Variants in LYST observed in about 807,000 individuals in gnomAD.
LYST encodes the protein lysosomal-trafficking regulator.
LYST carries 192 observed loss-of-function variants against 413.6 expected under a neutral mutation model. The observed-to-expected ratio is 0.46, with a 90% CI of 0.41 to 0.52. The LOEUF is 0.52. LYST is among the 20% of genes least tolerant of loss of function. The pLI is 0.00. For synonymous variants in LYST, 1,525 were observed against 1,567.3 expected (o/e 0.97, Z 0.64); for missense variants, 3,815 against 4,499.9 (o/e 0.85, Z 4.35).
intron 3 of LYST, chr1:235,829,089 G>A (rs920926873): frequency 4.6e-5 from 7 of 152,062 alleles, no homozygotes; most frequent in African/African-American, 1.2e-4. Context: ...TTGTAGTCCC[G>A]GCTACTTAGG....
In LYST at chr1:235,755,617, T is replaced by C; in HGVS notation, c.7090A>G (p.Lys2364Glu). The C allele has an allele frequency of 1.2e-6, 2 of 1,612,948 alleles. No homozygotes were observed. The highest frequency in any genetic ancestry group is 1.7e-6 in the Non-Finnish European group (2 of 1,179,076). ...TTCAGAAATTTATCTTTTTGTTCCTTAGATGCTCTAGCAAAATATGCATCT... is the reference window on the plus strand; with the variant it reads ...TTCAGAAATTTATCTTTTTGTTCCTCAGATGCTCTAGCAAAATATGCATCT... ...LLDAYFARAS[K>E]EQKDKFLKNR... is the part of the protein sequence containing the mutation. Residue 2364 changes from lysine (K) to glutamate (E), a missense_variant, in exon 25 of 53, where the codon AAG (lysine) becomes GAG (glutamate). Lys to Glu is a moderately conservative substitution (Grantham distance 56). This residue lies in a region of LYST where 771 missense variants were observed against 837.1 expected (regional missense o/e 0.92). Transcript: ENST00000389793.
Position 235,715,466 on chromosome 1 carries a change from A to C in LYST, c.9628-109T>G, listed in dbSNP as rs1435747924. On this transcript the variant is annotated intron_variant, in intron 41 of 52. Coordinates refer to ENST00000389793, the MANE Select transcript of LYST (RefSeq NM_000081.4). ...CCTTCTCTACTACCCCTTTGAGGCC[A>C]TTCTCCATGGCTGGCCCTCCCACTC... is the stretch of plus-strand genomic sequence containing the variant. 6.8e-6 allele frequency: 7 copies of C among 1,025,166 alleles called. No individual in the cohort carries two copies. The Admixed American group carries it at 1.4e-4, about 20-fold the overall frequency. The allele number at this position is 1,025,166 out of a possible 1,614,324, so 63.5% of individuals were successfully genotyped here.
Position 235,808,499 on chromosome 1 carries a change from C to G in LYST, c.2319G>C (p.Val773=). 3 of 1,613,600 alleles carry G rather than the reference C, an allele frequency of 1.9e-6. No individual in the cohort carries two copies. Among genetic ancestry groups the G allele is most frequent in the Middle Eastern group, 3.3e-4 (2 of 6,056 alleles). ...GCAGAGTTTTTACATAAATCTGAAG[C>G]ACGTCCTGAGGCAAGCACTGGTTAT... is the stretch of plus-strand genomic sequence containing the variant. ...SHHNQCLPQD[V]LQIYVKTLPI... The change falls in exon 5 of 53, where the codon GTG becomes GTC. Residue 773 remains valine (V), a synonymous_variant. Coordinates refer to ENST00000389793, the MANE Select transcript of LYST (RefSeq NM_000081.4).
intron 1 of LYST, among the ~76,000 whole-genome samples, chr1:235,880,347 T>A (rs1464767658): frequency 6.6e-6 from 1 of 152,216 alleles, no homozygotes; most frequent in Non-Finnish European, 1.5e-5. Flanking sequence ...TCTGAAAACA[T>A]GCATGGTAAG....
intron 20 of LYST, among the ~76,000 whole-genome samples, chr1:235,769,446 T>C (rs752913280): frequency 6.6e-6 from 1 of 152,026 alleles, no homozygotes; most frequent in Non-Finnish European, 1.5e-5. Context: ...GAAAAGCCCT[T>C]AGTGCCACCG....
At chr1:235,814,125 C>A (rs1328338763) in intron 3 of LYST, among the ~76,000 whole-genome samples, 1 of 152,148 alleles carries the variant, frequency 6.6e-6, no homozygotes, top group East Asian at 1.9e-4. Flanking sequence ...AAAGGACCCA[C>A]AGGTTACTGG....
intron 3 of LYST, among the ~76,000 whole-genome samples, chr1:235,814,016 A>G (rs918053908): frequency 2.6e-5 from 4 of 152,320 alleles, no homozygotes; most frequent in East Asian, 1.9e-4. Flanking sequence ...CTCCAACAAC[A>G]GAAGGGAAAA....
chr1:235,754,243 T>C (rs1666782405), intron 25 of LYST, among the ~76,000 whole-genome samples: 1 of 146,214 alleles, frequency 6.8e-6, no homozygotes, highest in African/African-American at 2.5e-5. Context: ...TTTTTTTTTT[T>C]TTTTTTGAGA....
chr1:235,833,671 CAA>C lies in LYST; in HGVS notation c.-97-6_-97-5del. On this transcript the variant is annotated splice_region_variant and splice_polypyrimidine_tract_variant and intron_variant, in intron 1 of 52. Transcript: ENST00000389793. ...TATTCTTAGAACAAAGCTTCACCTA[CAA>C]AAAAAAAGACATATTAATCACAATA... is the stretch of plus-strand genomic sequence containing the variant. 1.3e-6 allele frequency: 1 copy of C among 787,692 alleles called. No individual in the cohort carries two copies. Among genetic ancestry groups the C allele is most frequent in the Non-Finnish European group, 1.5e-6 (1 of 650,594 alleles). 48.8% of individuals were successfully genotyped at this position (787,692 alleles called of 1,614,324 possible). A position where few individuals can be genotyped will look rare whatever the true frequency, so the allele number is the denominator to read the frequency against.
chr1:235,821,681 C>T (rs186166678), intron 3 of LYST, among the ~76,000 whole-genome samples: 11 of 152,242 alleles, frequency 7.2e-5, no homozygotes, highest in Non-Finnish European at 1.5e-4. Context: ...CTTGGTGAGT[C>T]ATATATGGTC....
At chr1:235,740,987 A>C (rs960737116) in intron 31 of LYST, among the ~76,000 whole-genome samples, 1 of 152,178 alleles carries the variant, frequency 6.6e-6, no homozygotes, top group Non-Finnish European at 1.5e-5. Context: ...TTTGGGTTTG[A>C]TTATTCCAAA....
intron 1 of LYST, among the ~76,000 whole-genome samples, chr1:235,860,460 AAT>A (rs1679735899): frequency 6.6e-6 from 1 of 152,184 alleles, no homozygotes; most frequent in Non-Finnish European, 1.5e-5. Flanking sequence ...GTATCTTCAG[AAT>A]AGTTTCACCG....
intron 1 of LYST, among the ~76,000 whole-genome samples, chr1:235,866,376 T>C (rs1680516819): frequency 1.3e-5 from 2 of 152,176 alleles, no homozygotes; most frequent in African/African-American, 2.4e-5. Context: ...AGTGACCGGC[T>C]GGGTGGTGGC....
chr1:235,740,127 G>A (rs1665223499), intron 31 of LYST, among the ~76,000 whole-genome samples: 1 of 152,140 alleles, frequency 6.6e-6, no homozygotes, highest in Non-Finnish European at 1.5e-5. Context: ...TGCCCTCAGT[G>A]TACTTGAAAG....
chr1:235,726,260 T>G (rs921211902), intron 38 of LYST, among the ~76,000 whole-genome samples: 29 of 152,320 alleles, frequency 1.9e-4, no homozygotes, highest in African/African-American at 6.7e-4. Flanking sequence ...TTAATTTTTT[T>G]TTTTAGATTC....
chr1:235,731,537 T>G (rs1664373892), intron 34 of LYST, among the ~76,000 whole-genome samples: 1 of 151,864 alleles, frequency 6.6e-6, no homozygotes, highest in Non-Finnish European at 1.5e-5. Flanking sequence ...AAATTAATTT[T>G]TTACATTTCC....
chr1:235,843,838 A>AT (rs1677488386), intron 1 of LYST, among the ~76,000 whole-genome samples: 1 of 152,224 alleles, frequency 6.6e-6, no homozygotes, highest in Non-Finnish European at 1.5e-5. Context: ...TCCTCATCAA[A>AT]CAGTAACACC....
chr1:235,840,565 G>A (rs1351502424), intron 1 of LYST, among the ~76,000 whole-genome samples: 1 of 152,150 alleles, frequency 6.6e-6, no homozygotes, highest in African/African-American at 2.4e-5. Flanking sequence ...TAAACCCACA[G>A]CAAGACCTAA....
intron 5 of LYST, 23 bp downstream of exon 5, chr1:235,808,431 GC>G (rs1558279990): frequency 7.2e-6 from 10 of 1,386,862 alleles, no homozygotes; most frequent in Non-Finnish European, 1.0e-5. Flanking sequence ...CCCCGCCCCC[GC>G]CGCCACCCAC....
Sources: gnomAD v4.1 joint callset for allele counts (sites outside exome capture counted in the v4.1 genomes callset) on GRCh38, gnomAD v4.1.1 for gene constraint, gnomAD v4.1.1 regional missense constraint, MANE v1.5 for transcripts, NCBI Gene and HGNC (gene_info 2026-07-23, HGNC 2026-07-21) for gene names.